ZDHHC14: variants seen among roughly 807,000 people sequenced by gnomAD.
ZDHHC14 encodes the protein palmitoyltransferase ZDHHC14.
ZDHHC14 carries 16 observed loss-of-function variants against 47.7 expected under a neutral mutation model. The ratio of observed to expected loss-of-function variants is 0.34; its 90% confidence interval spans 0.23 to 0.51. The LOEUF (loss-of-function observed/expected upper bound fraction) is 0.51. Among genes scored for constraint, ZDHHC14 ranks in the 20% least tolerant of loss-of-function variants. The probability of loss-of-function intolerance (pLI) is 0.97; values close to 1 mark genes in which losing one functional copy is unlikely to be tolerated. For missense variants in ZDHHC14, 515 were observed against 662.5 expected (o/e 0.78, Z 2.44); for synonymous variants, 293 against 278.9 (o/e 1.05, Z -0.50).
chr6:157,447,880 AT>A (rs1480321360), intron 1 of ZDHHC14, among the ~76,000 whole-genome samples: 1 of 151,828 alleles, frequency 6.6e-6, no homozygotes. Flanking sequence ...AACTGTTGTT[AT>A]TTTTTTGAGA....
rs542852956 is a variant in ZDHHC14, at chr6:157,527,809, G to T, written c.246-14776G>T. Among the ~76,000 whole-genome samples the T allele has an allele frequency of 9.7e-4, 147 of 152,284 alleles. 1 individual carries two copies. The highest frequency in any genetic ancestry group is 3.4e-3 in the African/African-American group (141 of 41,552). On this transcript the variant is annotated intron_variant, in intron 1 of 8. Transcript: ENST00000359775. ...TCTCAGAACTTGACAGTTCTTTAGGGCTCCAGTTATTCTGAATGTTGAAGC... is the reference window on the plus strand; with the variant it reads ...TCTCAGAACTTGACAGTTCTTTAGGTCTCCAGTTATTCTGAATGTTGAAGC...
chr6:157,406,127 C>T (rs1777755965), intron 1 of ZDHHC14, among the ~76,000 whole-genome samples: 1 of 152,182 alleles, frequency 6.6e-6, no homozygotes, highest in Admixed American at 6.5e-5. Context: ...GTATCAGCTC[C>T]AGAGCGTGGA....
chr6:157,579,272 A>T (rs1260110672), intron 2 of ZDHHC14, among the ~76,000 whole-genome samples: 2 of 130,360 alleles, frequency 1.5e-5, no homozygotes, highest in African/African-American at 5.9e-5. Flanking sequence ...ATCTCGGCTC[A>T]CTGCAAGCTC....
intron 1 of ZDHHC14, among the ~76,000 whole-genome samples, chr6:157,491,222 A>G (rs577864096): frequency 6.6e-6 from 1 of 152,216 alleles, no homozygotes; most frequent in South Asian, 2.1e-4. Context: ...TTCGAAGGGG[A>G]GAGGTATGTT....
rs538275785 is a variant in ZDHHC14 at position 157,586,124 on chromosome 6, T to C, written c.407-6864T>C. Among the ~76,000 whole-genome samples the C allele has an allele frequency of 6.6e-6, 1 of 152,292 alleles. No homozygotes were observed. ...GACATCATCGGTACTGGGTCTTCCC[T>C]CTGGCCTGTAAACACCACCAGCAGA... On this transcript the variant is annotated intron_variant, in intron 2 of 8. Transcript: ENST00000359775. The surrounding 1 kb of genome is among the most constrained non-coding windows in gnomAD (Gnocchi z 4.6).
chr6:157,411,550 C>G (rs138291938), intron 1 of ZDHHC14, among the ~76,000 whole-genome samples: 2,427 of 152,160 alleles, frequency 0.016, 59 homozygotes, highest in African/African-American at 0.055. Context: ...AGATGTCCCT[C>G]CTGGGGGAAG....
intron 3 of ZDHHC14, among the ~76,000 whole-genome samples, chr6:157,598,472 A>G (rs1183793090): frequency 1.3e-5 from 2 of 152,200 alleles, no homozygotes; most frequent in Non-Finnish European, 2.9e-5. Flanking sequence ...GTATGTGAAA[A>G]TATGAGCCAG....
At chr6:157,397,076 T>C (rs1013589400) in intron 1 of ZDHHC14, among the ~76,000 whole-genome samples, 4 of 152,214 alleles carry the variant, frequency 2.6e-5, no homozygotes, top group Non-Finnish European at 5.9e-5. Context: ...TTCTTGACTC[T>C]TATGTGAAAT....
chr6:157,435,303 G>C (rs1778416225), intron 1 of ZDHHC14, among the ~76,000 whole-genome samples: 1 of 152,216 alleles, frequency 6.6e-6, no homozygotes, highest in South Asian at 2.1e-4. Flanking sequence ...TCCGAGAAGA[G>C]GGCAAGAGCA....
chr6:157,521,767 G>A (rs146177000), intron 1 of ZDHHC14, among the ~76,000 whole-genome samples: 2 of 152,316 alleles, frequency 1.3e-5, no homozygotes, highest in African/African-American at 2.4e-5. Context: ...CCTGGCAAGG[G>A]GGAATTCAGC....
chr6:157,417,163 G>A (rs2114765212), intron 1 of ZDHHC14, among the ~76,000 whole-genome samples: 1 of 151,826 alleles, frequency 6.6e-6, no homozygotes, highest in East Asian at 1.9e-4. Context: ...TTCCAGAATT[G>A]TATCTATGTG....
rs558135601 is a variant in ZDHHC14 at position 157,395,518 on chromosome 6, G to A, written c.245+13252G>A. 1.4e-4 allele frequency among the ~76,000 whole-genome samples: 21 copies of A among 152,056 alleles called. No individual in the cohort carries two copies. In the South Asian group the frequency reaches 2.1e-3, roughly 15 times the overall value. Reference sequence around the variant, plus strand: ...AGCCTTAAAAATCCCAAGTTCCGCCGGGCGCGGTGGCTCATGGCTGTAATC... The same window carrying A: ...AGCCTTAAAAATCCCAAGTTCCGCCAGGCGCGGTGGCTCATGGCTGTAATC... On this transcript the variant is annotated intron_variant, in intron 1 of 8. Coordinates refer to ENST00000359775, the MANE Select transcript of ZDHHC14 (RefSeq NM_024630.3).
At chr6:157,420,563 A>T (rs1018550507) in intron 1 of ZDHHC14, among the ~76,000 whole-genome samples, 1 of 152,032 alleles carries the variant, frequency 6.6e-6, no homozygotes, top group African/African-American at 2.4e-5. Context: ...GAATTGAGGC[A>T]CTGATGAAGG....
intron 1 of ZDHHC14, among the ~76,000 whole-genome samples, chr6:157,413,830 T>G (rs1777919056): frequency 6.6e-6 from 1 of 152,150 alleles, no homozygotes; most frequent in African/African-American, 2.4e-5. Context: ...CTGTGATGAG[T>G]TACAAGGTGT....
intron 3 of ZDHHC14, among the ~76,000 whole-genome samples, chr6:157,621,740 C>T (rs1356213759): frequency 6.6e-6 from 1 of 152,224 alleles, no homozygotes; most frequent in Non-Finnish European, 1.5e-5. Context: ...TTCGTTCGAT[C>T]TCCAGCAGCC....
intron 1 of ZDHHC14, among the ~76,000 whole-genome samples, chr6:157,450,909 C>T (rs1207533507): frequency 2.0e-5 from 3 of 152,112 alleles, no homozygotes; most frequent in Non-Finnish European, 4.4e-5. Flanking sequence ...CTTCTCACTG[C>T]ATCATAGATG....
rs980978504 is a variant in ZDHHC14, at chr6:157,542,541, C to T, written c.246-44C>T. The T allele has an allele frequency of 3.8e-6, 6 of 1,591,978 alleles. No individual in the cohort carries two copies. The African/African-American group carries it at 6.7e-5, about 18-fold the overall frequency. ...ACTGTTGATTCCTAACATTGTATTT[C>T]CTTTCTTTTCCCCTTCTCTCCGGTC... On this transcript the variant is annotated intron_variant, in intron 1 of 8. Transcript: ENST00000359775.
chr6:157,653,116 C>G (rs1452351219), intron 7 of ZDHHC14, among the ~76,000 whole-genome samples: 1 of 152,200 alleles, frequency 6.6e-6, no homozygotes, highest in Non-Finnish European at 1.5e-5. Context: ...TTCCCACACG[C>G]TACACTGGCA....
chr6:157,472,192 A>C (rs761850457), intron 1 of ZDHHC14, among the ~76,000 whole-genome samples: 23 of 152,166 alleles, frequency 1.5e-4, no homozygotes, highest in Non-Finnish European at 2.8e-4. Flanking sequence ...CGTGGTGGCT[A>C]TTAGGGGCTG....
Sources: allele counts gnomAD v4.1 joint callset (sites outside exome capture counted in the v4.1 genomes callset), GRCh38; gene constraint gnomAD v4.1.1; non-coding constraint Gnocchi (gnomAD v3.1); transcripts MANE v1.5; gene names NCBI Gene and HGNC (gene_info 2026-07-23, HGNC 2026-07-21).